GPC6: variants seen among roughly 807,000 people sequenced by gnomAD.
GPC6 encodes glypican 6.
A neutral mutation model predicts 55.2 loss-of-function variants in GPC6; 14 were observed. That is an observed-to-expected ratio of 0.25 (90% CI 0.17 to 0.40). The LOEUF (loss-of-function observed/expected upper bound fraction) is 0.40, where lower values mean the gene tolerates loss of function less well. Ranked by LOEUF, GPC6 falls within the 10% of genes least tolerant of loss-of-function variation. The pLI, the probability that GPC6 is intolerant of heterozygous loss-of-function variation, is 1.00. For missense variants in GPC6, 641 were observed against 708.5 expected (o/e 0.90, Z 1.08); for synonymous variants, 278 against 259.6 (o/e 1.07, Z -0.68).
intron 2 of GPC6, among the ~76,000 whole-genome samples, chr13:93,564,778 G>C (rs1192399329): frequency 6.6e-6 from 1 of 152,192 alleles, no homozygotes; most frequent in Admixed American, 6.5e-5. Context: ...GAAAAGGTCA[G>C]TTCAATGTTT....
At position 93,234,047 on chromosome 13, in the gene GPC6, A is replaced by G. The variant is rs570963058; in HGVS notation, c.160+6431A>G. 5.1e-4 allele frequency among the ~76,000 whole-genome samples: 78 copies of G among 152,300 alleles called. 1 individual carries two copies. The highest frequency in any genetic ancestry group is 6.8e-3 in the Middle Eastern group (2 of 294). ...AGCATGTTTGCCTTGTGCACTCTGT[A>G]AAACTGTACCTGTCTGCTAGCCATA... On this transcript the variant is annotated intron_variant, in intron 1 of 8. Coordinates refer to ENST00000377047, the MANE Select transcript of GPC6 (RefSeq NM_005708.5).
At chr13:93,965,054 T>C (rs982151278) in intron 3 of GPC6, among the ~76,000 whole-genome samples, 4 of 151,744 alleles carry the variant, frequency 2.6e-5, no homozygotes, top group African/African-American at 9.7e-5. Context: ...TTAATTATTA[T>C]GTTTTTGTAA....
intron 8 of GPC6, among the ~76,000 whole-genome samples, chr13:94,402,271 TC>T (rs1251937033): frequency 6.6e-6 from 1 of 152,216 alleles, no homozygotes; most frequent in East Asian, 1.9e-4. Flanking sequence ...CATGGTATCT[TC>T]CTAGAGCAAT....
chr13:94,275,474 T>C (rs1045928276), intron 4 of GPC6, among the ~76,000 whole-genome samples: 101 of 151,652 alleles, frequency 6.7e-4, no homozygotes, highest in African/African-American at 2.4e-3. Context: ...GGCCAGTGAG[T>C]GAAAATATAA....
intron 6 of GPC6, among the ~76,000 whole-genome samples, chr13:94,366,790 C>T (rs1002832291): frequency 2.6e-5 from 4 of 152,238 alleles, no homozygotes; most frequent in South Asian, 4.1e-4. Flanking sequence ...AAGCAGAGAG[C>T]GAGAGAGCAG....
At chr13:93,680,383 A>G (rs1210252986) in intron 2 of GPC6, among the ~76,000 whole-genome samples, 3 of 152,148 alleles carry the variant, frequency 2.0e-5, no homozygotes, top group African/African-American at 7.2e-5. Context: ...GAGACAGTTC[A>G]TTTCTGTTTT....
At chr13:93,824,287 G>T (rs1417016947) in intron 2 of GPC6, among the ~76,000 whole-genome samples, 1 of 152,210 alleles carries the variant, frequency 6.6e-6, no homozygotes, top group Admixed American at 6.5e-5. Context: ...GCCTCAATGT[G>T]AGTTTATTCA....
At chr13:93,393,154 AG>A (rs1875707931) in intron 1 of GPC6, among the ~76,000 whole-genome samples, 140 of 139,838 alleles carry the variant, frequency 1.0e-3, no homozygotes, top group African/African-American at 3.3e-3. Flanking sequence ...AGAGAGAGAG[AG>A]AGAGTGAGAG....
intron 1 of GPC6, among the ~76,000 whole-genome samples, chr13:93,397,915 C>T (rs986020786): frequency 6.6e-6 from 1 of 152,154 alleles, no homozygotes; most frequent in African/African-American, 2.4e-5. Context: ...GGCAGCATTC[C>T]TAACACTGTA....
At position 94,027,809 on chromosome 13, in the gene GPC6, G is replaced by A. The variant is rs1190008654; in HGVS notation, c.792G>A (p.Arg264=). 1 of 1,613,974 alleles carries A rather than the reference G, an allele frequency of 6.2e-7. No individual in the cohort carries two copies. The highest frequency in any genetic ancestry group is 1.7e-5 in the Admixed American group (1 of 60,018). ...CPYCRGLPTV[R]PCNNYCLNVM... is the part of the protein sequence containing the mutation. ...ACTGTCGGGGGCTTCCCACTGTGAG[G>A]CCCTGCAACAACTACTGTCTCAACG... Residue 264 remains arginine (R), a synonymous_variant, in exon 4 of 9, where the codon AGG becomes AGA. Transcript: ENST00000377047.
At chr13:94,303,990 C>T (rs1475062564) in intron 5 of GPC6, among the ~76,000 whole-genome samples, 1 of 152,156 alleles carries the variant, frequency 6.6e-6, no homozygotes, top group Non-Finnish European at 1.5e-5. Flanking sequence ...TCGCCTTAGG[C>T]TTTACATTTT....
At chr13:94,297,600 T>C (rs1046106912) in intron 5 of GPC6, among the ~76,000 whole-genome samples, 3 of 152,212 alleles carry the variant, frequency 2.0e-5, no homozygotes, top group Admixed American at 2.0e-4. Flanking sequence ...ATGAAAAGAA[T>C]TTCTTTTATT....
intron 2 of GPC6, among the ~76,000 whole-genome samples, chr13:93,556,494 G>C (rs1299890979): frequency 6.7e-6 from 1 of 149,902 alleles, no homozygotes; most frequent in East Asian, 2.0e-4. Context: ...ACATCATGGA[G>C]AATGGAGTAT....
At chr13:94,283,523 T>C (rs1243148215) in intron 4 of GPC6, among the ~76,000 whole-genome samples, 2 of 152,242 alleles carry the variant, frequency 1.3e-5, no homozygotes, top group African/African-American at 4.8e-5. Flanking sequence ...GCTCCTTGCC[T>C]TTGGTTGGGC....
chr13:93,469,891 T>C lies in GPC6; in HGVS notation c.161-75372T>C, dbSNP rs865940929. Among the ~76,000 whole-genome samples the C allele has an allele frequency of 4.6e-5, 7 of 152,320 alleles. No homozygotes were observed. The South Asian group carries it at 8.3e-4, about 18-fold the overall frequency. On this transcript the variant is annotated intron_variant, in intron 1 of 8. Coordinates refer to ENST00000377047, the MANE Select transcript of GPC6 (RefSeq NM_005708.5). ...AAAAGGGAATCTTTTTTCTTTTGAATTGCTTTTCTGTTTTTGTCAGAAATT... is the reference window on the plus strand; with the variant it reads ...AAAAGGGAATCTTTTTTCTTTTGAACTGCTTTTCTGTTTTTGTCAGAAATT...
chr13:93,607,929 A>G (rs533026383), intron 2 of GPC6, among the ~76,000 whole-genome samples: 5 of 152,052 alleles, frequency 3.3e-5, no homozygotes, highest in South Asian at 2.1e-4. Flanking sequence ...CCAGCATCCT[A>G]TTTTCCTTCC....
intron 1 of GPC6, among the ~76,000 whole-genome samples, chr13:93,228,528 C>T (rs902252887): frequency 1.3e-5 from 2 of 152,184 alleles, no homozygotes; most frequent in South Asian, 2.1e-4. Flanking sequence ...AGCACTTGGT[C>T]TCCGACAACT....
chr13:94,312,437 A>G (rs1033944145), intron 6 of GPC6, among the ~76,000 whole-genome samples: 5 of 152,328 alleles, frequency 3.3e-5, no homozygotes, highest in Admixed American at 6.5e-5. Context: ...ATGTTCTTCC[A>G]TGCCTCTTTG....
At chr13:93,534,422 G>A (rs866686261) in intron 1 of GPC6, among the ~76,000 whole-genome samples, 3 of 152,150 alleles carry the variant, frequency 2.0e-5, no homozygotes, top group Admixed American at 6.5e-5. Context: ...TGTTTGGGAT[G>A]TGCATCGCAA....
Sources: gnomAD v4.1 joint callset for allele counts (sites outside exome capture counted in the v4.1 genomes callset) on GRCh38, gnomAD v4.1.1 for gene constraint, MANE v1.5 for transcripts, NCBI Gene and HGNC (gene_info 2026-07-23, HGNC 2026-07-21) for gene names.